ZBTB45: variants seen among roughly 807,000 people sequenced by gnomAD.
The protein encoded by ZBTB45 is zinc finger and BTB domain containing 45.
ZBTB45 carries 22 observed loss-of-function variants against 28.4 expected under a neutral mutation model. The ratio of observed to expected loss-of-function variants is 0.77; its 90% CI spans 0.55 to 1.10. The LOEUF is 1.10. Ranked by LOEUF, ZBTB45 falls within the 50% of genes least tolerant of loss-of-function variation. The pLI is 0.00. For synonymous variants in ZBTB45, 361 were observed against 332.3 expected, an observed-to-expected ratio of 1.09 and a Z score of -0.94; for missense variants, 656 against 750.2, an observed-to-expected ratio of 0.87 and a Z score of 1.47.
chr19:58,514,048 G>T lies in ZBTB45; in HGVS notation c.*6C>A. 1 of 1,440,534 alleles carries T rather than the reference G, an allele frequency of 6.9e-7. No individual in the cohort carries two copies. The highest frequency in any genetic ancestry group is 1.4e-5 in the South Asian group (1 of 69,574). The allele number at this position is 1,440,534 out of a possible 1,614,324, so 89.2% of individuals were successfully genotyped here. On this transcript the variant is annotated 3_prime_UTR_variant, in exon 3 of 3. Coordinates refer to ENST00000594051, the MANE Select transcript of ZBTB45 (RefSeq NM_001316979.2). ...CCACCGTGGGCGAGGCCAGGCCCCA[G>T]CGCCATCAGGGCGCAGGGTGCGCCG...
intron 1 of ZBTB45, among the ~76,000 whole-genome samples, chr19:58,537,840 C>A (rs1204941987): frequency 1.5e-5 from 2 of 135,400 alleles, no homozygotes; most frequent in Non-Finnish European, 3.2e-5. Context: ...TCAAATATTC[C>A]TTTTTTTTTT....
Position 58,517,296 on chromosome 19 carries a change from T to G in ZBTB45, c.378A>C (p.Arg126=). ...DECTQIIARA[R]APGTSAPTPL... is the part of the protein sequence containing the mutation. The stretch of plus-strand genomic sequence containing the variant: ...GCGTGGGCGCAGAGGTGCCCGGGGC[T>G]CGAGCGCGGGCGATAATCTGCGTGC... Residue 126 remains arginine (R), a synonymous_variant, in exon 2 of 3, where the codon CGA becomes CGC. Transcript: ENST00000594051. 1 of 1,602,548 alleles carries G rather than the reference T, an allele frequency of 6.2e-7. No individual in the cohort carries two copies. Among genetic ancestry groups the G allele is most frequent in the Non-Finnish European group, 8.5e-7 (1 of 1,177,360 alleles).
Position 58,514,004 on chromosome 19 carries a change from T to C in ZBTB45, c.*50A>G. The C allele has an allele frequency of 1.5e-6, 2 of 1,353,366 alleles. No homozygotes were observed. Among genetic ancestry groups the C allele is most frequent in the South Asian group, 1.8e-5 (1 of 55,190 alleles). The allele number at this position is 1,353,366 out of a possible 1,614,324, so 83.8% of individuals were successfully genotyped here. On this transcript the variant is annotated 3_prime_UTR_variant, in exon 3 of 3. Transcript: ENST00000594051. Reference sequence around the variant, plus strand: ...GGGTCCCGCAGCGGGCGTGGCCGACTGTGCGGGAGGCCCCGGATCCACCGT... The same window carrying C: ...GGGTCCCGCAGCGGGCGTGGCCGACCGTGCGGGAGGCCCCGGATCCACCGT...
chr19:58,513,825 C>T lies in ZBTB45; in HGVS notation c.*229G>A. 2.0e-6 allele frequency: 1 copy of T among 493,840 alleles called. No individual in the cohort carries two copies. The highest frequency in any genetic ancestry group is 3.3e-6 in the Non-Finnish European group (1 of 304,874). The allele number at this position is 493,840 out of a possible 1,614,324, so 30.6% of individuals were successfully genotyped here. The stretch of plus-strand genomic sequence containing the variant: ...AAATAGTCCAGTTCTCAGAAGTGGT[C>T]TAACCAGCCCCAGCCCCAGCCCGGC... On this transcript the variant is annotated 3_prime_UTR_variant, in exon 3 of 3. Transcript: ENST00000594051.
chr19:58,521,973 G>A (rs1600065273), upstream of ZBTB45, among the ~76,000 whole-genome samples: 1 of 152,070 alleles, frequency 6.6e-6, no homozygotes, highest in South Asian at 2.1e-4. Context: ...TGTTGTAGAT[G>A]TGGTATTTGG....
intron 1 of ZBTB45, among the ~76,000 whole-genome samples, chr19:58,534,811 C>T (rs886369001): frequency 1.5e-4 from 23 of 151,568 alleles, no homozygotes; most frequent in African/African-American, 5.3e-4. Context: ...CCACCTCGGC[C>T]TGCCAAAGTG....
rs753983075 is a variant in ZBTB45 at position 58,517,362 on chromosome 19, C to T, written c.312G>A (p.Thr104=). The part of the protein sequence containing the change: ...VAQGEALQVL[T]AASVLRIQTV... The stretch of plus-strand genomic sequence containing the variant: ...TCTGTATGCGAAGCACTGACGCGGC[C>T]GTGAGCACCTGCAGGGCTTCACCCT... The change falls in exon 2 of 3, where the codon ACG becomes ACA. Residue 104 remains threonine, a synonymous_variant. Transcript: ENST00000594051. The T allele has an allele frequency of 1.3e-5, 21 of 1,612,496 alleles. No homozygotes were observed. The highest frequency in any genetic ancestry group is 3.3e-5 in the South Asian group (3 of 91,086).
chr19:58,516,276 C>A lies in ZBTB45; in HGVS notation c.1279+119G>T. The A allele has an allele frequency of 7.7e-7, 1 of 1,304,504 alleles. No individual in the cohort carries two copies. Among genetic ancestry groups the A allele is most frequent in the Non-Finnish European group, 1.1e-6 (1 of 949,802 alleles). The allele number at this position is 1,304,504 out of a possible 1,614,324, so 80.8% of individuals were successfully genotyped here. A position where few individuals can be genotyped will look rare whatever the true frequency, so the allele number is the denominator to read the frequency against. On this transcript the variant is annotated intron_variant, in intron 2 of 2. Coordinates refer to ENST00000594051, the MANE Select transcript of ZBTB45 (RefSeq NM_001316979.2). This position sits in a 1 kb window ranked among gnomAD's most constrained non-coding sequence, Gnocchi z 6.2. ...CTTGGGGGAAGGCTCAATTTCTAGG[C>A]CCCCTGCTAACCAAAAGTAACAGAA...
In ZBTB45 at chr19:58,530,395, C is replaced by T. The variant is rs142667015; in HGVS notation, c.-1+8306G>A. ...TGATCTCGGCTCACCACAACCTCCG[C>T]CTCCAGAGTTCAAGCGATTCTCCTG... On this transcript the variant is annotated intron_variant, in intron 1 of 1. Coordinates refer to the ZBTB45 transcript ENST00000600130. Among the ~76,000 whole-genome samples, 16 of 152,232 alleles carry T rather than the reference C, an allele frequency of 1.1e-4. No individual in the cohort carries two copies. In the East Asian group the frequency reaches 3.1e-3, roughly 29 times the overall value.
At chr19:58,528,848 C>G (rs934370589) in intron 1 of ZBTB45, among the ~76,000 whole-genome samples, 2 of 151,858 alleles carry the variant, frequency 1.3e-5, no homozygotes, top group Non-Finnish European at 2.9e-5. Flanking sequence ...GAGCTGAGAT[C>G]GCGCCACTGC....
chr19:58,533,404 TAGAAGACAAGGCAATATGAAGTG>T (rs1022918069), intron 1 of ZBTB45, among the ~76,000 whole-genome samples: 1 of 152,160 alleles, frequency 6.6e-6, no homozygotes, highest in African/African-American at 2.4e-5. Context: ...CAACGATGCA[TAGAAGACAAGGCAATATGAAGTG>T]AGAACAGAGG....
At position 58,516,449 on chromosome 19, in the gene ZBTB45, G is replaced by A. The variant is rs780098974; in HGVS notation, c.1225C>T (p.Arg409Cys). The A allele has an allele frequency of 2.5e-5, 41 of 1,613,890 alleles. No homozygotes were observed. The highest frequency in any genetic ancestry group is 4.0e-5 in the African/African-American group (3 of 74,924). ...TTTTTCCGGGAGCTGAACGTCTTGC[G>A]ACAGTGGCTGCACTCATACGTAGGT... ...EPPTYECSHC[R>C]KTFSSRKNYT... The change falls in exon 2 of 3, where the codon CGC (arginine) becomes TGC (cysteine). Residue 409 changes from arginine (R) to cysteine (C), a missense_variant. Coordinates refer to ENST00000594051, the MANE Select transcript of ZBTB45 (RefSeq NM_001316979.2). The surrounding 1 kb of genome is among the most constrained non-coding windows in gnomAD (Gnocchi z 6.2).
At chr19:58,535,862 T>C (rs1391543632) in intron 1 of ZBTB45, among the ~76,000 whole-genome samples, 1 of 151,952 alleles carries the variant, frequency 6.6e-6, no homozygotes, top group Non-Finnish European at 1.5e-5. Flanking sequence ...GATGCAGTAG[T>C]GAGTACAATT....
chr19:58,516,254 G>T lies in ZBTB45; in HGVS notation c.1279+141C>A. 2 of 1,090,718 alleles carry T rather than the reference G, an allele frequency of 1.8e-6. No homozygotes were observed. Among genetic ancestry groups the T allele is most frequent in the South Asian group, 1.5e-5 (1 of 65,102 alleles). The allele number at this position is 1,090,718 out of a possible 1,614,324, so 67.6% of individuals were successfully genotyped here. On this transcript the variant is annotated intron_variant, in intron 2 of 2. Coordinates refer to ENST00000594051, the MANE Select transcript of ZBTB45 (RefSeq NM_001316979.2). This position sits in a 1 kb window ranked among gnomAD's most constrained non-coding sequence, Gnocchi z 6.2. ...CCCCTCCCCCACATACCTTGCACTTGGGGGAAGGCTCAATTTCTAGGCCCC... is the reference window on the plus strand; with the variant it reads ...CCCCTCCCCCACATACCTTGCACTTTGGGGAAGGCTCAATTTCTAGGCCCC...
At position 58,516,863 on chromosome 19, in the gene ZBTB45, C is replaced by G. The variant is rs778365094; in HGVS notation, c.811G>C (p.Asp271His). 1.2e-6 allele frequency: 2 copies of G among 1,613,494 alleles called. No homozygotes were observed. The highest frequency in any genetic ancestry group is 2.2e-5 in the East Asian group (1 of 44,884). Residue 271 changes from aspartate (D) to histidine (H), a missense_variant, in exon 2 of 3, where the codon GAT (aspartate) becomes CAT (histidine). By Grantham distance (81) the Asp-to-His change is moderately conservative (BLOSUM62 -1). Around this residue, in one of 3 missense-constraint regions of ZBTB45, gnomAD observed 448 missense variants for 444.3 expected, o/e 1.01. Coordinates refer to ENST00000594051, the MANE Select transcript of ZBTB45 (RefSeq NM_001316979.2). This position sits in a 1 kb window ranked among gnomAD's most constrained non-coding sequence, Gnocchi z 6.2. Reference protein sequence around the residue: ...GLADYSGAGRDFLRGAGSAED... With the variant: ...GLADYSGAGRHFLRGAGSAED... ...GCTGACCCAGCTCCCCGAAGAAAATCTCTCCCGGCACCACTGTAGTCAGCG... is the reference window on the plus strand; with the variant it reads ...GCTGACCCAGCTCCCCGAAGAAAATGTCTCCCGGCACCACTGTAGTCAGCG...
At chr19:58,532,391 T>C (rs2053639545) in intron 1 of ZBTB45, among the ~76,000 whole-genome samples, 1 of 152,106 alleles carries the variant, frequency 6.6e-6, no homozygotes, top group South Asian at 2.1e-4. Flanking sequence ...GAGGAGAAAA[T>C]AACGTAAGGC....
chr19:58,524,658 C>T (rs565546262), upstream of ZBTB45, among the ~76,000 whole-genome samples: 110 of 151,826 alleles, frequency 7.2e-4, no homozygotes, highest in Non-Finnish European at 1.2e-3. Context: ...CCGAGGCGGG[C>T]GGATCACGAG....
chr19:58,514,436 C>T (rs1243128624), intron 2 of ZBTB45, 126 bp from the exon 3 acceptor site: 3 of 1,240,024 alleles, frequency 2.4e-6, no homozygotes, highest in Non-Finnish European at 2.2e-6. Flanking sequence ...AACCACCACC[C>T]CGGGATCCCT....
intron 1 of ZBTB45, among the ~76,000 whole-genome samples, chr19:58,518,806 A>T (rs1447625155): frequency 2.0e-5 from 3 of 151,950 alleles, no homozygotes; most frequent in Non-Finnish European, 4.4e-5. Context: ...GGACTCTGAC[A>T]TCCGTATAGG....
Sources: allele counts gnomAD v4.1 joint callset (sites outside exome capture counted in the v4.1 genomes callset), GRCh38; gene constraint gnomAD v4.1.1; regional missense constraint gnomAD v4.1.1; non-coding constraint Gnocchi (gnomAD v3.1); transcripts MANE v1.5; gene names NCBI Gene and HGNC (gene_info 2026-07-23, HGNC 2026-07-21).